The following XRN2 variants were observed in gnomAD, a reference collection of about 807,000 sequenced individuals.
XRN2 encodes the protein DHM1-like protein.
Under a neutral mutation model 138.5 loss-of-function variants are expected in XRN2, and 44 were observed. The ratio of observed to expected loss-of-function variants is 0.32; its 90% CI spans 0.25 to 0.41. The LOEUF (loss-of-function observed/expected upper bound fraction) is 0.41. XRN2 is among the 10% of genes least tolerant of loss of function. The pLI, the probability that XRN2 is intolerant of heterozygous loss-of-function variation, is 1.00. For synonymous variants in XRN2, 354 were observed against 369.4 expected (o/e 0.96, Z 0.48); for missense variants, 937 against 1,169.3 (o/e 0.80, Z 2.90).
chr20:21,365,422 ATTAATT>A lies in XRN2; in HGVS notation c.2262_2267del (p.Asn754_Phe755del). ...GAATTGTTTCTTGTTCTTTTCCAGT[ATTAATT>A]TTAAAGACCCACAGTTTGCTGAAGA... On this transcript the variant is annotated inframe_deletion and splice_region_variant, in exon 25 of 30. Coordinates refer to ENST00000377191, the MANE Select transcript of XRN2 (RefSeq NM_012255.5). 1 of 1,612,764 alleles carries A rather than the reference ATTAATT, an allele frequency of 6.2e-7. No individual in the cohort carries two copies. Among genetic ancestry groups the A allele is most frequent in the Non-Finnish European group, 8.5e-7 (1 of 1,179,632 alleles).
chr20:21,331,869 T>A (rs2038214766), intron 8 of XRN2, 51 bp downstream of exon 8: 1 of 1,593,722 alleles, frequency 6.3e-7, no homozygotes, highest in Non-Finnish European at 8.6e-7. Context: ...CATAGCAAGT[T>A]GATGGGTTGG....
chr20:21,349,561 G>A (rs2038480756), intron 20 of XRN2, 100 bp downstream of exon 20: 1 of 1,007,210 alleles, frequency 9.9e-7, no homozygotes, highest in African/African-American at 1.6e-5. Context: ...TGGGCAACAT[G>A]GTGAAATCTC....
chr20:21,343,974 T>C (rs1280277712), intron 15 of XRN2, 116 bp from the exon 16 acceptor site: 7 of 709,076 alleles, frequency 9.9e-6, no homozygotes, highest in Admixed American at 8.5e-5. Flanking sequence ...ACCATCTCTA[T>C]GTAGTAGCTT....
intron 13 of XRN2, among the ~76,000 whole-genome samples, chr20:21,336,002 G>A (rs1484669781): frequency 1.3e-5 from 2 of 152,204 alleles, no homozygotes; most frequent in Non-Finnish European, 2.9e-5. Context: ...TTTCTGGGAA[G>A]TATGTCCCTG....
chr20:21,327,246 ATGAAAATGATT>A (rs1266156762), intron 3 of XRN2, among the ~76,000 whole-genome samples: 1 of 152,204 alleles, frequency 6.6e-6, no homozygotes, highest in Non-Finnish European at 1.5e-5. Context: ...ATGAGTAGTC[ATGAAAATGATT>A]TGAGAGGAGT....
chr20:21,375,494 A>G (rs1286718302), intron 27 of XRN2, among the ~76,000 whole-genome samples: 3 of 151,896 alleles, frequency 2.0e-5, no homozygotes, highest in Admixed American at 6.6e-5. Context: ...TTGGTCTCAC[A>G]TATTTATTAT....
chr20:21,310,906 G>A (rs1031046933), intron 1 of XRN2, among the ~76,000 whole-genome samples: 9 of 151,704 alleles, frequency 5.9e-5, no homozygotes, highest in South Asian at 4.2e-4. Context: ...CACCACGCCC[G>A]GCAAATTTTT....
chr20:21,334,314 A>G (rs998043525), intron 13 of XRN2, 129 bp downstream of exon 13: 1 of 729,118 alleles, frequency 1.4e-6, no homozygotes, highest in Non-Finnish European at 2.3e-6. Flanking sequence ...TAATGTAATC[A>G]TGAGTGGTCA....
intron 20 of XRN2, among the ~76,000 whole-genome samples, chr20:21,351,581 G>A (rs770638410): frequency 6.6e-6 from 1 of 152,168 alleles, no homozygotes; most frequent in African/African-American, 2.4e-5. Context: ...ATGCACACAA[G>A]TTTTTAATTT....
intron 15 of XRN2, among the ~76,000 whole-genome samples, chr20:21,343,337 A>G (rs1168864198): frequency 6.6e-6 from 1 of 152,064 alleles, no homozygotes; most frequent in Non-Finnish European, 1.5e-5. Flanking sequence ...AAATTAACGT[A>G]TTATGTTAAT....
chr20:21,317,870 G>A (rs2122178947), intron 1 of XRN2, among the ~76,000 whole-genome samples: 1 of 152,214 alleles, frequency 6.6e-6, no homozygotes, highest in East Asian at 1.9e-4. Context: ...GAGGATTTTT[G>A]CATCCATGCT....
intron 27 of XRN2, among the ~76,000 whole-genome samples, chr20:21,374,996 G>A (rs1329974509): frequency 8.5e-6 from 1 of 117,628 alleles, no homozygotes; most frequent in Admixed American, 8.2e-5. Flanking sequence ...TTCTTATGTT[G>A]GTTTTGGTAA....
At chr20:21,379,906 C>T (rs1159850550) in intron 27 of XRN2, among the ~76,000 whole-genome samples, 1 of 152,074 alleles carries the variant, frequency 6.6e-6, no homozygotes, top group East Asian at 1.9e-4. Flanking sequence ...GTTTTTTTCC[C>T]ATCTTTATTT....
chr20:21,386,882 A>T lies in XRN2; in HGVS notation c.2663A>T (p.Glu888Val). ...QQRFDRGVGAEPLLPWNRMLQ... is the reference protein window; with the variant it reads ...QQRFDRGVGAVPLLPWNRMLQ... ...CTTTCCTACAGAGGCGTTGGGGCTG[A>T]ACCTCTGCTCCCATGGAACCGGATG... The change falls in exon 29 of 30, where the codon GAA (glutamate) becomes GTA (valine). Residue 888 changes from glutamate to valine, a missense_variant. This residue lies in a region of XRN2 where 372 missense variants were observed against 414.4 expected (regional missense o/e 0.90). Transcript: ENST00000377191. 1 of 1,612,966 alleles carries T rather than the reference A, an allele frequency of 6.2e-7. No individual in the cohort carries two copies. The highest frequency in any genetic ancestry group is 8.5e-7 in the Non-Finnish European group (1 of 1,178,984).
chr20:21,387,322 A>G (rs371870426), intron 29 of XRN2, among the ~76,000 whole-genome samples: 4 of 152,204 alleles, frequency 2.6e-5, no homozygotes, highest in Admixed American at 6.5e-5. Flanking sequence ...TTGTTCTTCA[A>G]TAGAACCTAG....
chr20:21,320,990 T>A (rs977424696), intron 1 of XRN2, among the ~76,000 whole-genome samples: 1 of 152,074 alleles, frequency 6.6e-6, no homozygotes, highest in Non-Finnish European at 1.5e-5. Context: ...TCCCAGTTGC[T>A]CTTCACCATA....
intron 1 of XRN2, among the ~76,000 whole-genome samples, chr20:21,319,319 T>A (rs1179652602): frequency 1.3e-5 from 2 of 152,134 alleles, no homozygotes; most frequent in Non-Finnish European, 2.9e-5. Flanking sequence ...TTAGATCATG[T>A]TTTTAAAATC....
rs2037766437 is a variant in XRN2, at chr20:21,303,453, G to C, written c.55G>C (p.Val19Leu). 6.5e-7 allele frequency: 1 copy of C among 1,547,168 alleles called. No homozygotes were observed. Among genetic ancestry groups the C allele is most frequent in the Non-Finnish European group, 8.7e-7 (1 of 1,145,680 alleles). The part of the protein sequence containing the change: ...WLSRKYPSII[V>L]NCVEEKPKEC... ...CAGCCGCAAGTACCCGTCCATCATA[G>C]TCAACTGCGTGGAAGAGAAGGTGAG... The change falls in exon 1 of 30, where the codon GTC becomes CTC. Residue 19 changes from valine to leucine, a missense_variant. By Grantham distance (32) the Val-to-Leu change is conservative. Around this residue, in one of 6 missense-constraint regions of XRN2, gnomAD observed 32 missense variants for 32.9 expected, o/e 0.97. Coordinates refer to ENST00000377191, the MANE Select transcript of XRN2 (RefSeq NM_012255.5).
At chr20:21,333,233 A>C (rs1165844876) in intron 9 of XRN2, among the ~76,000 whole-genome samples, 1 of 152,190 alleles carries the variant, frequency 6.6e-6, no homozygotes, top group African/African-American at 2.4e-5. Context: ...TATGTTTTTT[A>C]CATTTTTAAA....
Sources: gnomAD v4.1 joint callset for allele counts (sites outside exome capture counted in the v4.1 genomes callset) on GRCh38, gnomAD v4.1.1 for gene constraint, gnomAD v4.1.1 regional missense constraint, MANE v1.5 for transcripts, NCBI Gene and HGNC (gene_info 2026-07-23, HGNC 2026-07-21) for gene names.